Variants in NRXN3 observed in about 807,000 individuals in gnomAD.
NRXN3 encodes the protein neurexin 3.
In NRXN3, 32 loss-of-function variants were observed where a neutral mutation model predicts 137.6. The ratio of observed to expected loss-of-function variants is 0.23; its 90% CI spans 0.18 to 0.31. The LOEUF (loss-of-function observed/expected upper bound fraction) is 0.31, where lower values mean the gene tolerates loss of function less well. Among genes scored for constraint, NRXN3 ranks in the 10% least tolerant of loss-of-function variants. The pLI, the probability that NRXN3 is intolerant of heterozygous loss-of-function variation, is 1.00. For synonymous variants in NRXN3, 798 were observed against 784.5 expected (o/e 1.02, Z -0.29); for missense variants, 1,574 against 2,062.5 (o/e 0.76, Z 4.59).
At chr14:79,072,213 G>A (rs952728636) in intron 15 of NRXN3, 2 of 152,150 alleles carry the variant, frequency 1.3e-5, no homozygotes, top group Admixed American at 6.5e-5. Flanking sequence ...TGATTTTTAT[G>A]AATGTGTATG....
At chr14:79,629,767 A>C (rs1278850648) in intron 16 of NRXN3, among the ~76,000 whole-genome samples, 1 of 151,958 alleles carries the variant, frequency 6.6e-6, no homozygotes, top group Admixed American at 6.6e-5. Flanking sequence ...GAGCCTTTTC[A>C]AATGCACGGT....
In NRXN3 at chr14:78,243,266, A is replaced by G. The variant is rs1289742027; in HGVS notation, c.173A>G (p.Asn58Ser). The G allele has an allele frequency of 6.4e-6, 10 of 1,560,244 alleles. No homozygotes were observed. The highest frequency in any genetic ancestry group is 5.5e-5 in the Admixed American group (3 of 54,270). ...GACCTGAGTTTCCAGTTCAAGACCA[A>G]CGTCTCTACGGGGCTGCTCCTCTAC... ...RSDLSFQFKTNVSTGLLLYLD... is the reference protein window; with the variant it reads ...RSDLSFQFKTSVSTGLLLYLD... Residue 58 changes from asparagine to serine, a missense_variant, in exon 2 of 21, where the codon AAC (asparagine) becomes AGC (serine). This residue lies in a region of NRXN3 where 400 missense variants were observed against 527.3 expected (regional missense o/e 0.76). Coordinates refer to ENST00000335750, the MANE Select transcript of NRXN3 (RefSeq NM_001330195.2). This position sits in a 1 kb window ranked among gnomAD's most constrained non-coding sequence, Gnocchi z 4.2.
intron 1 of NRXN3, among the ~76,000 whole-genome samples, chr14:78,222,982 T>A (rs2064034493): frequency 6.6e-6 from 1 of 152,200 alleles, no homozygotes; most frequent in Admixed American, 6.5e-5. Flanking sequence ...CATCTCCACA[T>A]AAAAGAATTC....
chr14:79,147,584 T>G (rs2059413160), intron 15 of NRXN3, among the ~76,000 whole-genome samples: 1 of 152,140 alleles, frequency 6.6e-6, no homozygotes, highest in Non-Finnish European at 1.5e-5. Flanking sequence ...CTTTTAGCAC[T>G]TAGTTAACGA....
chr14:78,397,319 A>G (rs954286339), intron 4 of NRXN3, among the ~76,000 whole-genome samples: 2 of 151,948 alleles, frequency 1.3e-5, no homozygotes, highest in Admixed American at 6.6e-5. Context: ...CTTTTGCTAT[A>G]GTCCACAGAC....
At chr14:78,494,133 T>C (rs1374171346) in intron 4 of NRXN3, among the ~76,000 whole-genome samples, 1 of 152,216 alleles carries the variant, frequency 6.6e-6, no homozygotes, top group Non-Finnish European at 1.5e-5. Context: ...ATAGCAGAGA[T>C]GCTTTCCTTT....
intron 20 of NRXN3, chr14:79,853,989 T>G: frequency 1.0e-6 from 1 of 987,984 alleles, no homozygotes; most frequent in Non-Finnish European, 1.2e-6. Context: ...TTTTTTCTTT[T>G]TATGTTATGT....
intron 2 of NRXN3, among the ~76,000 whole-genome samples, chr14:78,264,009 C>T (rs2071260131): frequency 2.0e-5 from 3 of 150,596 alleles, no homozygotes; most frequent in African/African-American, 7.3e-5. Flanking sequence ...AACGTCAGTC[C>T]CTTTCCTAAT....
At chr14:79,008,457 A>G (rs2099559754) in intron 15 of NRXN3, among the ~76,000 whole-genome samples, 2 of 152,200 alleles carry the variant, frequency 1.3e-5, no homozygotes. Flanking sequence ...GAATAATGAA[A>G]TAGTCATATG....
At chr14:79,223,275 G>A (rs7160473) in intron 15 of NRXN3, among the ~76,000 whole-genome samples, 4,186 of 152,216 alleles carry the variant, frequency 0.028, 140 homozygotes, top group South Asian at 0.086. Context: ...TCAGAAGTAT[G>A]CCTTGGAGCC....
At chr14:79,590,416 T>TAAAAAAAAAAAAAAAAAA (rs11419735) in intron 16 of NRXN3, among the ~76,000 whole-genome samples, 1,616 of 92,042 alleles carry the variant, frequency 0.018, 107 homozygotes, top group African/African-American at 0.039. Flanking sequence ...TTTCTTTTGT[T>TAAAAAAAAAAAAAAAAAA]AAAAAAAAAA....
At chr14:78,408,723 G>A (rs1462214066) in intron 4 of NRXN3, among the ~76,000 whole-genome samples, 3 of 152,302 alleles carry the variant, frequency 2.0e-5, no homozygotes, top group Non-Finnish European at 2.9e-5. Flanking sequence ...AAATTCTCAC[G>A]AGGGTGATGG....
chr14:78,890,312 T>C (rs1282411092), intron 10 of NRXN3, among the ~76,000 whole-genome samples: 2 of 151,990 alleles, frequency 1.3e-5, no homozygotes, highest in Admixed American at 1.3e-4. Context: ...GTGTGATTGT[T>C]ACTATACAGT....
intron 3 of NRXN3, among the ~76,000 whole-genome samples, chr14:78,294,416 C>G (rs2076107985): frequency 6.6e-6 from 1 of 151,908 alleles, no homozygotes; most frequent in Non-Finnish European, 1.5e-5. Context: ...TTTAGCCAGG[C>G]ATGGTGGCAC....
At chr14:78,583,140 C>G (rs1461754525) in intron 4 of NRXN3, among the ~76,000 whole-genome samples, 1 of 152,158 alleles carries the variant, frequency 6.6e-6, no homozygotes. Context: ...GACCGTCAAA[C>G]AGACCCTGCA....
At chr14:78,253,416 G>A (rs117344022) in intron 2 of NRXN3, among the ~76,000 whole-genome samples, 202 of 152,296 alleles carry the variant, frequency 1.3e-3, no homozygotes, top group Non-Finnish European at 2.4e-3. Context: ...GCTCACGCCT[G>A]CAATCCCAGT....
intron 6 of NRXN3, among the ~76,000 whole-genome samples, chr14:78,699,754 G>A (rs531619167): frequency 4.6e-5 from 7 of 152,238 alleles, no homozygotes; most frequent in Admixed American, 4.6e-4. Context: ...CTCTACTGGA[G>A]TTGGTGCCCT....
At position 78,645,105 on chromosome 14, in the gene NRXN3, T is replaced by A; in HGVS notation, c.758-15T>A. The A allele has an allele frequency of 6.5e-7, 1 of 1,529,084 alleles. No individual in the cohort carries two copies. Among genetic ancestry groups the A allele is most frequent in the Non-Finnish European group, 8.8e-7 (1 of 1,141,974 alleles). The allele number at this position is 1,529,084 out of a possible 1,614,324, so 94.7% of individuals were successfully genotyped here. ...AGACAAGTGCTGATTGCTTTCCTCT[T>A]TTCTTTTCCTATAGCTCGAGAGGAG... On this transcript the variant is annotated splice_polypyrimidine_tract_variant and intron_variant, in intron 4 of 20. Coordinates refer to ENST00000335750, the MANE Select transcript of NRXN3 (RefSeq NM_001330195.2).
chr14:79,127,491 T>A (rs903817685), intron 15 of NRXN3, among the ~76,000 whole-genome samples: 1 of 152,202 alleles, frequency 6.6e-6, no homozygotes, highest in African/African-American at 2.4e-5. Context: ...GTTGTAGATA[T>A]GCGGCGTTAT....
Sources: allele counts gnomAD v4.1 joint callset (sites outside exome capture counted in the v4.1 genomes callset), GRCh38; gene constraint gnomAD v4.1.1; regional missense constraint gnomAD v4.1.1; non-coding constraint Gnocchi (gnomAD v3.1); transcripts MANE v1.5; gene names NCBI Gene and HGNC (gene_info 2026-07-23, HGNC 2026-07-21).